The following SLC30A4 variants were observed in gnomAD, a reference collection of about 807,000 sequenced individuals.
The protein encoded by SLC30A4 is probable proton-coupled zinc antiporter SLC30A4.
Under a neutral mutation model 41.7 loss-of-function variants are expected in SLC30A4, and 20 were observed. That is an observed-to-expected ratio of 0.48 (90% CI 0.34 to 0.70). The LOEUF (loss-of-function observed/expected upper bound fraction) is 0.70. Ranked by LOEUF, SLC30A4 falls within the 30% of genes least tolerant of loss-of-function variation. The probability of loss-of-function intolerance (pLI) is 0.01; values close to 1 mark genes in which losing one functional copy is unlikely to be tolerated. For synonymous variants in SLC30A4, 181 were observed against 195.9 expected (o/e 0.92, Z 0.64); for missense variants, 441 against 529.3 (o/e 0.83, Z 1.64).
At chr15:45,497,834 TTTA>T (rs957840880) in intron 3 of SLC30A4, among the ~76,000 whole-genome samples, 2 of 152,214 alleles carry the variant, frequency 1.3e-5, no homozygotes, top group African/African-American at 4.8e-5. Context: ...TTTATTACAA[TTTA>T]TTATTATTTT....
chr15:45,508,466 C>A (rs1892207898), intron 3 of SLC30A4, among the ~76,000 whole-genome samples: 1 of 152,162 alleles, frequency 6.6e-6, no homozygotes, highest in Non-Finnish European at 1.5e-5. Flanking sequence ...CATTTCTGCT[C>A]ATCTCTGTCC....
intron 3 of SLC30A4, among the ~76,000 whole-genome samples, chr15:45,497,482 G>T (rs1028735166): frequency 1.3e-5 from 2 of 152,176 alleles, no homozygotes; most frequent in Non-Finnish European, 2.9e-5. Context: ...GTTAATATGT[G>T]TATTTGCTAC....
At chr15:45,497,783 G>T (rs1438858494) in intron 3 of SLC30A4, among the ~76,000 whole-genome samples, 2 of 152,084 alleles carry the variant, frequency 1.3e-5, no homozygotes, top group African/African-American at 4.8e-5. Flanking sequence ...GTCATCCTCT[G>T]TTATTTTCCA....
intron 6 of SLC30A4, 141 bp from the exon 7 acceptor site, chr15:45,486,886 A>G (rs1891714599): frequency 1.9e-6 from 1 of 525,380 alleles, no homozygotes; most frequent in Non-Finnish European, 3.3e-6. Context: ...TAATACTTCA[A>G]GATAAACCAT....
rs1892712659 is a variant in SLC30A4, at chr15:45,522,621, C to T, written c.-129G>A. 3.1e-6 allele frequency: 1 copy of T among 321,156 alleles called. No homozygotes were observed. Among genetic ancestry groups the T allele is most frequent in the Non-Finnish European group, 5.6e-6 (1 of 178,318 alleles). The allele number at this position is 321,156 out of a possible 1,614,324, so 19.9% of individuals were successfully genotyped here. A position where few individuals can be genotyped will look rare whatever the true frequency, so the allele number is the denominator to read the frequency against. On this transcript the variant is annotated 5_prime_UTR_variant, in exon 1 of 8. Coordinates refer to ENST00000261867, the MANE Select transcript of SLC30A4 (RefSeq NM_013309.6). ...CTATTTAATACCTGGGGCGCTGCCG[C>T]GGGGCCGCAACTCATCTCCCCGCCC...
At chr15:45,509,509 C>T (rs1892234463) in intron 3 of SLC30A4, among the ~76,000 whole-genome samples, 1 of 152,126 alleles carries the variant, frequency 6.6e-6, no homozygotes, top group Admixed American at 6.5e-5. Flanking sequence ...CCACCTCGGC[C>T]TCCCAAAGTG....
intron 2 of SLC30A4, among the ~76,000 whole-genome samples, chr15:45,514,120 C>G (rs1314491809): frequency 6.6e-6 from 1 of 152,002 alleles, no homozygotes; most frequent in African/African-American, 2.4e-5. Flanking sequence ...CTGAGGCGGG[C>G]AGATCACCTG....
intron 3 of SLC30A4, among the ~76,000 whole-genome samples, chr15:45,508,524 T>C (rs1892209931): frequency 6.6e-6 from 1 of 152,216 alleles, no homozygotes; most frequent in South Asian, 2.1e-4. Flanking sequence ...GTTCAGAGTA[T>C]GTTCTACACA....
At chr15:45,499,236 T>TA (rs1891967383) in intron 3 of SLC30A4, among the ~76,000 whole-genome samples, 1 of 152,042 alleles carries the variant, frequency 6.6e-6, no homozygotes, top group Admixed American at 6.6e-5. Context: ...CATGCTTGGC[T>TA]AATTTTTTTG....
At chr15:45,499,068 T>G (rs937825747) in intron 3 of SLC30A4, among the ~76,000 whole-genome samples, 1 of 150,996 alleles carries the variant, frequency 6.6e-6, no homozygotes, top group East Asian at 2.0e-4. Context: ...CACTTAGCCA[T>G]GAGCCTAGGC....
chr15:45,489,162 T>G, intron 4 of SLC30A4, 120 bp from the exon 5 acceptor site: 1 of 752,960 alleles, frequency 1.3e-6, no homozygotes, highest in Non-Finnish European at 2.2e-6. Flanking sequence ...GGAGCAACTA[T>G]TATTTATCAG....
rs1379047852 is a variant in SLC30A4, at chr15:45,522,597, TA to T, written c.-115+9del. The T allele has an allele frequency of 1.9e-5, 8 of 414,174 alleles. No individual in the cohort carries two copies. Among genetic ancestry groups the T allele is most frequent in the Non-Finnish European group, 3.4e-5 (8 of 235,572 alleles). 25.7% of individuals were successfully genotyped at this position (414,174 alleles called of 1,614,324 possible). A position where few individuals can be genotyped will look rare whatever the true frequency, so the allele number is the denominator to read the frequency against. On this transcript the variant is annotated intron_variant, in intron 1 of 7. Coordinates refer to ENST00000261867, the MANE Select transcript of SLC30A4 (RefSeq NM_013309.6). ...GGGCTCCGCGAGGGGGCGGCACATC[TA>T]TTTAATACCTGGGGCGCTGCCGCGG... is the stretch of plus-strand genomic sequence containing the variant.
chr15:45,487,562 C>A lies in SLC30A4; in HGVS notation c.965G>T (p.Arg322Leu). Residue 322 changes from arginine (R) to leucine (L), a missense_variant, in exon 6 of 8, where the codon CGA (arginine) becomes CTA (leucine). Coordinates refer to ENST00000261867, the MANE Select transcript of SLC30A4 (RefSeq NM_013309.6). ...FSLLVAFTTF[R>L]IIWDTVVIIL... ...TATAACTACTGTATCCCATATGATT[C>A]GAAATGTTGTAAAAGCCACAAGTAA... 1 of 1,558,290 alleles carries A rather than the reference C, an allele frequency of 6.4e-7. No homozygotes were observed.
At chr15:45,489,914 T>A (rs191645695) in intron 4 of SLC30A4, among the ~76,000 whole-genome samples, 226 of 152,138 alleles carry the variant, frequency 1.5e-3, no homozygotes, top group African/African-American at 5.3e-3. Context: ...AACACAGCCA[T>A]GTTCATTTGT....
Position 45,480,378 on chromosome 15 carries a change from C to T in SLC30A4, c.*4785G>A, listed in dbSNP as rs757333890. ...CTGATTGGCAATCAGTAAAACAAAT[C>T]TCAAGACCTGGTTGTCAAGATTCAT... On this transcript the variant is annotated 3_prime_UTR_variant, in exon 8 of 8. Transcript: ENST00000261867. The T allele has an allele frequency of 1.1e-4, 16 of 152,216 alleles. No individual in the cohort carries two copies. Among genetic ancestry groups the T allele is most frequent in the Non-Finnish European group, 2.1e-4 (14 of 68,040 alleles). The allele number at this position is 152,216 out of a possible 1,614,324, so 9.4% of individuals were successfully genotyped here. A position where few individuals can be genotyped will look rare whatever the true frequency, so the allele number is the denominator to read the frequency against.
intron 3 of SLC30A4, among the ~76,000 whole-genome samples, chr15:45,503,760 A>C (rs1395903891): frequency 6.6e-6 from 1 of 152,180 alleles, no homozygotes; most frequent in Admixed American, 6.5e-5. Flanking sequence ...CAGCCCGACC[A>C]ACATGGAGAA....
intron 2 of SLC30A4, among the ~76,000 whole-genome samples, chr15:45,513,334 T>C (rs578034419): frequency 1.8e-3 from 271 of 151,238 alleles, no homozygotes; most frequent in Non-Finnish European, 3.2e-3. Context: ...GCCTCCTGAG[T>C]AGCTGGGACT....
Position 45,485,067 on chromosome 15 carries a change from G to C in SLC30A4, c.*96C>G. On this transcript the variant is annotated 3_prime_UTR_variant, in exon 8 of 8. Transcript: ENST00000261867. The stretch of plus-strand genomic sequence containing the variant: ...ACTGATGCTTGATACGGACACAGCT[G>C]TCAGGGATTCCATTTTCTCATTTAG... 1 of 920,890 alleles carries C rather than the reference G, an allele frequency of 1.1e-6. No homozygotes were observed. The highest frequency in any genetic ancestry group is 1.7e-6 in the Non-Finnish European group (1 of 600,142). 57.0% of individuals were successfully genotyped at this position (920,890 alleles called of 1,614,324 possible). A position where few individuals can be genotyped will look rare whatever the true frequency, so the allele number is the denominator to read the frequency against.
intron 3 of SLC30A4, among the ~76,000 whole-genome samples, chr15:45,491,084 T>G (rs1256405537): frequency 6.6e-6 from 1 of 152,170 alleles, no homozygotes; most frequent in Non-Finnish European, 1.5e-5. Flanking sequence ...AGTGGCCTGA[T>G]CATGCATGGT....
Sources: allele counts gnomAD v4.1 joint callset (sites outside exome capture counted in the v4.1 genomes callset), GRCh38; gene constraint gnomAD v4.1.1; transcripts MANE v1.5; gene names NCBI Gene and HGNC (gene_info 2026-07-23, HGNC 2026-07-21).